COL22A1: variants seen among roughly 807,000 people sequenced by gnomAD.
COL22A1 encodes the protein collagen type XXII alpha 1 chain.
Under a neutral mutation model 248.9 loss-of-function variants are expected in COL22A1, and 221 were observed. The observed-to-expected ratio is 0.89, with a 90% CI of 0.80 to 0.99. The LOEUF (loss-of-function observed/expected upper bound fraction) is 0.99, where lower values mean the gene tolerates loss of function less well. Ranked by LOEUF, COL22A1 falls within the 50% of genes least tolerant of loss-of-function variation. The pLI, the probability that COL22A1 is intolerant of heterozygous loss-of-function variation, is 0.00. For synonymous variants in COL22A1, 891 were observed against 793.4 expected (o/e 1.12, Z -2.07); for missense variants, 2,240 against 2,179.0 (o/e 1.03, Z -0.56).
At chr8:138,820,511 A>C (rs1179380355) in intron 7 of COL22A1, among the ~76,000 whole-genome samples, 15 of 152,196 alleles carry the variant, frequency 9.9e-5, no homozygotes, top group Non-Finnish European at 1.5e-5. Context: ...TAAGGAGGGA[A>C]GAGGAAAAAT....
At chr8:138,653,212 C>T (rs1189341954) in intron 45 of COL22A1, among the ~76,000 whole-genome samples, 1 of 152,150 alleles carries the variant, frequency 6.6e-6, no homozygotes, top group Non-Finnish European at 1.5e-5. Flanking sequence ...GTCATTTCAT[C>T]CACCTTCTCA....
intron 22 of COL22A1, 70 bp from the exon 23 acceptor site, chr8:138,737,647 T>C: frequency 9.8e-7 from 1 of 1,016,900 alleles, no homozygotes. Context: ...TAATAATGAG[T>C]CTCGGTGGAC....
chr8:138,838,094 C>T (rs1324221426), intron 4 of COL22A1, among the ~76,000 whole-genome samples: 4 of 150,834 alleles, frequency 2.7e-5, no homozygotes, highest in Non-Finnish European at 4.4e-5. Context: ...AAGAGAGCAC[C>T]GCAGCCGGCC....
rs761241970 is a variant in COL22A1, at chr8:138,812,961, C to T, written c.1304G>A (p.Cys435Tyr). 2 of 1,613,964 alleles carry T rather than the reference C, an allele frequency of 1.2e-6. No homozygotes were observed. The highest frequency in any genetic ancestry group is 3.3e-5 in the Admixed American group (2 of 60,030). The stretch of plus-strand genomic sequence containing the variant: ...CACCGGACCCGAGGGGATATCACAA[C>T]AAGTCTCCAATTCTGCGTGTCTCGA... ...CDSRHAELET[C>Y]CDIPSGPCQV... Residue 435 changes from cysteine to tyrosine, a missense_variant, in exon 8 of 65, where the codon TGT (cysteine) becomes TAT (tyrosine). Cys to Tyr is a radical substitution (Grantham distance 194). Coordinates refer to ENST00000303045, the MANE Select transcript of COL22A1 (RefSeq NM_152888.3).
chr8:138,626,999 A>C (rs1032023751), intron 50 of COL22A1, among the ~76,000 whole-genome samples: 7 of 152,176 alleles, frequency 4.6e-5, no homozygotes, highest in African/African-American at 1.7e-4. Context: ...ACAAGTGCTT[A>C]CTGGGAGATA....
chr8:138,653,136 A>G (rs1423932640), intron 45 of COL22A1, among the ~76,000 whole-genome samples: 1 of 152,182 alleles, frequency 6.6e-6, no homozygotes, highest in East Asian at 1.9e-4. Flanking sequence ...GTAAGCACTC[A>G]ACAAAATGCT....
At chr8:138,782,395 T>C (rs1232494781) in intron 12 of COL22A1, among the ~76,000 whole-genome samples, 1 of 152,230 alleles carries the variant, frequency 6.6e-6, no homozygotes, top group East Asian at 1.9e-4. Flanking sequence ...TTTTTGTATT[T>C]TTTGTACAGA....
At chr8:138,809,528 CT>C (rs71518485) in intron 9 of COL22A1, among the ~76,000 whole-genome samples, 9 of 117,660 alleles carry the variant, frequency 7.6e-5, no homozygotes, top group East Asian at 2.2e-4. Flanking sequence ...TTTTCTTTTT[CT>C]TTTTTTTTTG....
chr8:138,602,065 G>C (rs769283198), intron 60 of COL22A1, 50 bp downstream of exon 60: 2 of 1,606,030 alleles, frequency 1.2e-6, no homozygotes, highest in South Asian at 2.2e-5. Context: ...TGTGGCCACT[G>C]TGCAAAGGTC....
intron 51 of COL22A1, among the ~76,000 whole-genome samples, chr8:138,624,862 C>T (rs1197240479): frequency 2.0e-5 from 3 of 152,168 alleles, no homozygotes; most frequent in East Asian, 3.9e-4. Flanking sequence ...CTCTAAGAAG[C>T]AATTCATTCA....
chr8:138,637,790 A>G (rs1821319950), intron 47 of COL22A1, among the ~76,000 whole-genome samples: 1 of 150,874 alleles, frequency 6.6e-6, no homozygotes, highest in Admixed American at 6.7e-5. Context: ...AACATTAGCT[A>G]TCATCATTCT....
intron 49 of COL22A1, among the ~76,000 whole-genome samples, chr8:138,631,255 C>G (rs144170027): frequency 6.6e-6 from 1 of 152,312 alleles, no homozygotes; most frequent in Non-Finnish European, 1.5e-5. Context: ...ACAGATCTTA[C>G]ATTCTGTGCC....
intron 12 of COL22A1, among the ~76,000 whole-genome samples, chr8:138,792,197 T>G (rs1563769009): frequency 6.6e-6 from 1 of 152,152 alleles, no homozygotes; most frequent in Non-Finnish European, 1.5e-5. Context: ...TCCAGGAAAG[T>G]TGGGTCTCTT....
chr8:138,768,384 G>C (rs974102397), intron 16 of COL22A1, among the ~76,000 whole-genome samples: 2 of 152,142 alleles, frequency 1.3e-5, no homozygotes, highest in African/African-American at 4.8e-5. Flanking sequence ...TTTCTAGAAA[G>C]CCCACCTTCC....
intron 18 of COL22A1, among the ~76,000 whole-genome samples, chr8:138,757,800 C>A (rs1833143685): frequency 6.6e-6 from 1 of 152,224 alleles, no homozygotes; most frequent in African/African-American, 2.4e-5. Context: ...GACCAAAAGT[C>A]TTTCCTAGAA....
At chr8:138,646,063 G>A (rs1007933707) in intron 47 of COL22A1, among the ~76,000 whole-genome samples, 1 of 152,162 alleles carries the variant, frequency 6.6e-6, no homozygotes, top group African/African-American at 2.4e-5. Context: ...TTGACAGCCA[G>A]AGAGCTTCCC....
At chr8:138,894,867 T>G (rs1450458620) in intron 1 of COL22A1, among the ~76,000 whole-genome samples, 1 of 152,130 alleles carries the variant, frequency 6.6e-6, no homozygotes, top group African/African-American at 2.4e-5. Context: ...GAGTATTGTA[T>G]GGTGTATTTT....
intron 1 of COL22A1, among the ~76,000 whole-genome samples, chr8:138,908,573 G>C (rs1815199898): frequency 6.6e-6 from 1 of 152,164 alleles, no homozygotes; most frequent in African/African-American, 2.4e-5. Flanking sequence ...TTAAATCCCA[G>C]TTCTGCCATT....
rs192759961 is a variant in COL22A1 at position 138,753,412 on chromosome 8, C to T, written c.2031+1745G>A. On this transcript the variant is annotated intron_variant, in intron 21 of 64. Transcript: ENST00000303045. ...ACTCCGAAGGGAATCTTATCACTAA[C>T]ATCATGTATTGTACTAAATCCCATT... Among the ~76,000 whole-genome samples, 264 of 152,314 alleles carry T rather than the reference C, an allele frequency of 1.7e-3. 2 individuals carry two copies. The highest frequency in any genetic ancestry group is 6.0e-3 in the African/African-American group (251 of 41,572).
Sources: gnomAD v4.1 joint callset for allele counts (sites outside exome capture counted in the v4.1 genomes callset) on GRCh38, gnomAD v4.1.1 for gene constraint, MANE v1.5 for transcripts, NCBI Gene and HGNC (gene_info 2026-07-23, HGNC 2026-07-21) for gene names.